The following AHCY variants were observed in gnomAD, a reference collection of about 807,000 sequenced individuals.
AHCY encodes S-adenosyl-L-homocysteine hydrolase.
AHCY carries 24 observed loss-of-function variants against 45.4 expected under a neutral mutation model. The observed-to-expected ratio is 0.53, with a 90% confidence interval of 0.38 to 0.74. The LOEUF (loss-of-function observed/expected upper bound fraction) is 0.74, where lower values mean the gene tolerates loss of function less well. AHCY is among the 30% of genes least tolerant of loss of function. The pLI, the probability that AHCY is intolerant of heterozygous loss-of-function variation, is 0.00. For synonymous variants in AHCY, 245 were observed against 235.1 expected (o/e 1.04, Z -0.39); for missense variants, 449 against 594.1 (o/e 0.76, Z 2.54).
At chr20:34,287,358 G>A (rs2036221569) in intron 8 of AHCY, among the ~76,000 whole-genome samples, 1 of 151,182 alleles carries the variant, frequency 6.6e-6, no homozygotes, top group Admixed American at 6.7e-5. Flanking sequence ...GAGCTGGCCA[G>A]GAAGGGGGTC....
intron 1 of AHCY, chr20:34,302,982 C>A: frequency 1.0e-6 from 1 of 985,464 alleles, no homozygotes; most frequent in Non-Finnish European, 1.2e-6. Flanking sequence ...GAGCACGCCG[C>A]CAGTTTGCGG....
chr20:34,258,546 A>C, the AHCY span, among the ~76,000 whole-genome samples: 2 of 147,922 alleles, frequency 1.4e-5, no homozygotes, highest in African/African-American at 5.0e-5. Context: ...AAGGACAAGC[A>C]TCATATGGGG....
chr20:34,232,875 A>C, the AHCY span, among the ~76,000 whole-genome samples: 1 of 152,332 alleles, frequency 6.6e-6, no homozygotes, highest in South Asian at 2.1e-4. Flanking sequence ...GCCTGATGAC[A>C]GTGTGCCTCA....
rs2036810110 is a variant in AHCY at position 34,302,477 on chromosome 20, G to A, written c.28+766C>T. 2.4e-5 allele frequency: 12 copies of A among 497,292 alleles called. 1 individual carries two copies. The highest frequency in any genetic ancestry group is 3.1e-5 in the Non-Finnish European group (12 of 384,182). 30.8% of individuals were successfully genotyped at this position (497,292 alleles called of 1,614,324 possible). On this transcript the variant is annotated intron_variant, in intron 1 of 9. Coordinates refer to ENST00000217426, the MANE Select transcript of AHCY (RefSeq NM_000687.4). ...CATCACCACCAGCTGTAAGACTGAG[G>A]GCAAGTTACCTCTGCCTCAGGATTC...
At chr20:34,258,770 ATATATATAG>A in the AHCY span, among the ~76,000 whole-genome samples, 1 of 90,300 alleles carries the variant, frequency 1.1e-5, no homozygotes, top group Non-Finnish European at 1.9e-5. Context: ...GATATATATA[ATATATATAG>A]TATATATATA....
In AHCY at chr20:34,281,157, C is replaced by T. The variant is rs890482180; in HGVS notation, c.1176G>A (p.Glu392=). Residue 392 remains glutamate (E), a synonymous_variant, in exon 10 of 10, where the codon GAG becomes GAA. Transcript: ENST00000217426. ...GVHFLPKKLD[E]AVAEAHLGKL... The stretch of plus-strand genomic sequence containing the variant: ...TGCCCAGGTGGGCTTCAGCCACTGC[C>T]TCATCCAGCTGGGGAGAAACAAAGG... 5 of 1,613,314 alleles carry T rather than the reference C, an allele frequency of 3.1e-6. No homozygotes were observed. The highest frequency in any genetic ancestry group is 2.2e-5 in the East Asian group (1 of 44,886).
At chr20:34,257,685 A>G in the AHCY span, among the ~76,000 whole-genome samples, 2 of 152,194 alleles carry the variant, frequency 1.3e-5, no homozygotes, top group Non-Finnish European at 2.9e-5. Context: ...ATAACTATTC[A>G]TGATGTAATT....
In AHCY at chr20:34,280,593, C is replaced by T. The variant is rs2035967821; in HGVS notation, c.*441G>A. Reference sequence around the variant, plus strand: ...CTCAGGAAAATTCAAACAACAGTTCCTCTTTGCCCTTCAATATAGCCCCTT... The same window carrying T: ...CTCAGGAAAATTCAAACAACAGTTCTTCTTTGCCCTTCAATATAGCCCCTT... On this transcript the variant is annotated 3_prime_UTR_variant, in exon 10 of 10. Transcript: ENST00000217426. The T allele has an allele frequency of 4.0e-6, 1 of 250,220 alleles. No individual in the cohort carries two copies. Among genetic ancestry groups the T allele is most frequent in the Non-Finnish European group, 7.9e-6 (1 of 126,348 alleles). 15.5% of individuals were successfully genotyped at this position (250,220 alleles called of 1,614,324 possible).
At chr20:34,278,902 A>G (rs2035935976), downstream of AHCY, among the ~76,000 whole-genome samples, 1 of 151,614 alleles carries the variant, frequency 6.6e-6, no homozygotes, top group African/African-American at 2.4e-5. Flanking sequence ...TGAGGTTAGG[A>G]GTTCAAGACC....
At chr20:34,269,174 C>T in the AHCY span, 1 of 1,498,584 alleles carries the variant, frequency 6.7e-7, no homozygotes, top group South Asian at 1.3e-5. Flanking sequence ...CTGAGCGCCC[C>T]CACTCCCGGC....
the AHCY span, among the ~76,000 whole-genome samples, chr20:34,235,833 GA>G: frequency 1.5e-3 from 94 of 63,092 alleles, no homozygotes; most frequent in African/African-American, 6.5e-3. Flanking sequence ...AAGAAAGAAA[GA>G]AAGAAAGAAG....
the AHCY span, among the ~76,000 whole-genome samples, chr20:34,236,122 T>G: frequency 7.2e-3 from 599 of 83,244 alleles, no homozygotes; most frequent in East Asian, 0.01. Flanking sequence ...AGGAAAGGAG[T>G]GGAAAGGAAA....
the AHCY span, among the ~76,000 whole-genome samples, chr20:34,264,936 C>T: frequency 2.0e-5 from 3 of 151,898 alleles, no homozygotes; most frequent in East Asian, 3.9e-4. Context: ...GCTAGGACTA[C>T]GGGTGTGCAC....
chr20:34,232,422 T>A, the AHCY span, among the ~76,000 whole-genome samples: 33 of 152,194 alleles, frequency 2.2e-4, no homozygotes, highest in Non-Finnish European at 5.9e-5. Flanking sequence ...CCACTTTGAT[T>A]AATCTGATTA....
intron 9 of AHCY, among the ~76,000 whole-genome samples, chr20:34,284,656 A>G (rs1358544933): frequency 6.6e-5 from 10 of 152,140 alleles, no homozygotes; most frequent in Non-Finnish European, 8.8e-5. Flanking sequence ...CCCCGTCTCT[A>G]CTAAAAATAC....
At chr20:34,302,907 GC>G (rs924069710) in intron 1 of AHCY, 3 of 985,344 alleles carry the variant, frequency 3.0e-6, no homozygotes, top group Admixed American at 1.2e-4. Context: ...CCGGGCGCAG[GC>G]CCCCCGAGCA....
chr20:34,302,497 G>A (rs2036811033), intron 1 of AHCY: 1 of 673,496 alleles, frequency 1.5e-6, no homozygotes, highest in Admixed American at 6.3e-5. Context: ...CTCTGCCTCA[G>A]GATTCTCATC....
downstream of AHCY, among the ~76,000 whole-genome samples, chr20:34,275,292 C>T (rs944189315): frequency 9.2e-5 from 14 of 152,152 alleles, no homozygotes; most frequent in African/African-American, 3.1e-4. Flanking sequence ...TCCACCATGC[C>T]AGGCTAATTT....
At chr20:34,310,987 G>T (rs1052710790) in intron 1 of AHCY, among the ~76,000 whole-genome samples, 1 of 152,068 alleles carries the variant, frequency 6.6e-6, no homozygotes, top group Admixed American at 6.6e-5. Context: ...TTAGGCGGGC[G>T]TGGTGGCACA....
Sources: gnomAD v4.1 joint callset for allele counts (sites outside exome capture counted in the v4.1 genomes callset) on GRCh38, gnomAD v4.1.1 for gene constraint, MANE v1.5 for transcripts, NCBI Gene and HGNC (gene_info 2026-07-23, HGNC 2026-07-21) for gene names.